Variants in VGLL4 observed in about 807,000 individuals in gnomAD.
The protein encoded by VGLL4 is vestigial like family member 4.
Under a neutral mutation model 21.0 loss-of-function variants are expected in VGLL4, and 7 were observed. That is an observed-to-expected ratio of 0.33 (90% CI 0.19 to 0.63). The LOEUF is 0.63. Ranked by LOEUF, VGLL4 falls within the 20% of genes least tolerant of loss-of-function variation. The pLI, the probability that VGLL4 is intolerant of heterozygous loss-of-function variation, is 0.78. For missense variants in VGLL4, 394 were observed against 425.7 expected (o/e 0.93, Z 0.66); for synonymous variants, 222 against 173.2 (o/e 1.28, Z -2.21).
chr3:11,716,690 A>T (rs2076923426), intron 1 of VGLL4, among the ~76,000 whole-genome samples: 1 of 152,146 alleles, frequency 6.6e-6, no homozygotes, highest in Non-Finnish European at 1.5e-5. Flanking sequence ...AGAAGGTATA[A>T]TTGTTCTGGT....
intron 1 of VGLL4, among the ~76,000 whole-genome samples, chr3:11,713,590 A>ATATATATC (rs1201095879): frequency 7.2e-6 from 1 of 139,116 alleles, no homozygotes; most frequent in African/African-American, 2.6e-5. Context: ...ATATATATAT[A>ATATATATC]TCTGCATAAA....
chr3:11,688,181 T>C (rs913862153), intron 2 of VGLL4, among the ~76,000 whole-genome samples: 3 of 152,216 alleles, frequency 2.0e-5, no homozygotes, highest in Admixed American at 1.3e-4. Flanking sequence ...TTCAATATAA[T>C]TGCTAGCCTG....
rs144615876 is a variant in VGLL4 at position 11,638,025 on chromosome 3, G to A, written c.82+5412C>T. On this transcript the variant is annotated intron_variant, in intron 1 of 4. Transcript: ENST00000430365. ...GATCGCCAGAAACATTCCCTGGTCC[G>A]ACTGTTTTTATATATTTGTGTACAT... is the stretch of plus-strand genomic sequence containing the variant. 4.4e-4 allele frequency among the ~76,000 whole-genome samples: 67 copies of A among 152,262 alleles called. 1 individual carries two copies. In the East Asian group the frequency reaches 0.013, roughly 28 times the overall value.
At chr3:11,672,702 A>G (rs1430573383) in intron 2 of VGLL4, among the ~76,000 whole-genome samples, 1 of 152,240 alleles carries the variant, frequency 6.6e-6, no homozygotes, top group African/African-American at 2.4e-5. Flanking sequence ...AGAACCGGTA[A>G]CTTGCTTTAC....
chr3:11,558,112 C>T lies in VGLL4; in HGVS notation c.*444G>A, dbSNP rs7614588. On this transcript the variant is annotated 3_prime_UTR_variant, in exon 5 of 5. Coordinates refer to ENST00000430365, the MANE Select transcript of VGLL4 (RefSeq NM_001128219.3). ...CGACAGTTCTCTTCAAGTATACACACGCACACACATGGACCGAACCAAACA... is the reference window on the plus strand; with the variant it reads ...CGACAGTTCTCTTCAAGTATACACATGCACACACATGGACCGAACCAAACA... 380 of 190,302 alleles carry T rather than the reference C, an allele frequency of 2.0e-3. 1 individual carries two copies. Among genetic ancestry groups the T allele is most frequent in the African/African-American group, 8.4e-3 (365 of 43,336 alleles). 11.8% of individuals were successfully genotyped at this position (190,302 alleles called of 1,614,324 possible).
At chr3:11,604,264 G>GCGCCC (rs1575442679) in intron 1 of VGLL4, 1 of 571,008 alleles carries the variant, frequency 1.8e-6, no homozygotes, top group Non-Finnish European at 2.1e-6. Flanking sequence ...AGCCCAGGAA[G>GCGCCC]CACGGTTTGC....
chr3:11,657,838 C>T (rs1163982956), intron 2 of VGLL4, among the ~76,000 whole-genome samples: 2 of 152,168 alleles, frequency 1.3e-5, no homozygotes, highest in Non-Finnish European at 2.9e-5. Context: ...AATTATGATC[C>T]TAGATGCAGT....
At chr3:11,664,715 C>T (rs1359637560) in intron 2 of VGLL4, among the ~76,000 whole-genome samples, 3 of 152,168 alleles carry the variant, frequency 2.0e-5, no homozygotes, top group Non-Finnish European at 4.4e-5. Context: ...AAGTCCTACA[C>T]TTAGGAAGAG....
At chr3:11,717,132 CT>C (rs1390599771) in intron 1 of VGLL4, among the ~76,000 whole-genome samples, 1 of 151,108 alleles carries the variant, frequency 6.6e-6, no homozygotes, top group African/African-American at 2.4e-5. Flanking sequence ...AACAACTGTG[CT>C]TTTTGCAGTC....
intron 1 of VGLL4, among the ~76,000 whole-genome samples, chr3:11,709,435 T>TCAAAA (rs1228813940): frequency 1.4e-3 from 149 of 108,808 alleles, no homozygotes; most frequent in African/African-American, 4.9e-3. Flanking sequence ...AGACTCCGTC[T>TCAAAA]AAAAAAAAAA....
intron 1 of VGLL4, among the ~76,000 whole-genome samples, chr3:11,626,725 A>G (rs2075358294): frequency 6.6e-6 from 1 of 152,186 alleles, no homozygotes; most frequent in African/African-American, 2.4e-5. Context: ...ACAGCCCGTT[A>G]CTCCATGTGA....
At chr3:11,661,291 A>G (rs1465750407) in intron 2 of VGLL4, among the ~76,000 whole-genome samples, 1 of 152,138 alleles carries the variant, frequency 6.6e-6, no homozygotes, top group Non-Finnish European at 1.5e-5. Flanking sequence ...CATCATGAGA[A>G]AGGCTCCATC....
intron 1 of VGLL4, among the ~76,000 whole-genome samples, chr3:11,711,134 A>G (rs1355519364): frequency 6.6e-6 from 1 of 151,710 alleles, no homozygotes; most frequent in Non-Finnish European, 1.5e-5. Flanking sequence ...GCTGGGCACA[A>G]TGGCTCATGC....
chr3:11,560,130 C>G (rs1168202074), intron 3 of VGLL4, among the ~76,000 whole-genome samples: 1 of 152,096 alleles, frequency 6.6e-6, no homozygotes, highest in Non-Finnish European at 1.5e-5. Flanking sequence ...CTCTCTGAAG[C>G]CTTTCACTGG....
chr3:11,580,647 C>A (rs1315067299), intron 2 of VGLL4, among the ~76,000 whole-genome samples: 8 of 152,160 alleles, frequency 5.3e-5, no homozygotes, highest in Non-Finnish European at 1.5e-5. Flanking sequence ...TTAAAGGTTT[C>A]CAAAAGGATG....
chr3:11,563,250 T>C (rs1655966459), intron 3 of VGLL4, among the ~76,000 whole-genome samples: 1 of 152,160 alleles, frequency 6.6e-6, no homozygotes. Context: ...CTCCCCTCCA[T>C]ACCCGTGTCC....
chr3:11,685,163 C>T (rs983062865), intron 2 of VGLL4, among the ~76,000 whole-genome samples: 5 of 150,256 alleles, frequency 3.3e-5, no homozygotes, highest in Admixed American at 2.0e-4. Flanking sequence ...GACATGATCT[C>T]GTGCTTTTTT....
chr3:11,587,012 T>A (rs1240795939), intron 2 of VGLL4, among the ~76,000 whole-genome samples: 2 of 152,374 alleles, frequency 1.3e-5, no homozygotes, highest in East Asian at 3.9e-4. Context: ...TCTGTGTAGC[T>A]TGCCGAAAGT....
intron 1 of VGLL4, among the ~76,000 whole-genome samples, chr3:11,615,649 T>C (rs1479109801): frequency 2.0e-5 from 3 of 152,240 alleles, no homozygotes; most frequent in Non-Finnish European, 4.4e-5. Flanking sequence ...CTCATTTTTT[T>C]GTTTGGGTTC....
Sources: allele counts gnomAD v4.1 joint callset (sites outside exome capture counted in the v4.1 genomes callset), GRCh38; gene constraint gnomAD v4.1.1; transcripts MANE v1.5; gene names NCBI Gene and HGNC (gene_info 2026-07-23, HGNC 2026-07-21).